Variants in FUT8 observed in about 807,000 individuals in gnomAD.
FUT8 encodes fucosyltransferase 8.
In FUT8, 29 loss-of-function variants were observed where a neutral mutation model predicts 71.3. That is an observed-to-expected ratio of 0.41 (90% CI 0.30 to 0.55). The LOEUF (loss-of-function observed/expected upper bound fraction) is 0.55. Among genes scored for constraint, FUT8 ranks in the 20% least tolerant of loss-of-function variants. The pLI is 0.34. For synonymous variants in FUT8, 254 were observed against 239.3 expected (o/e 1.06, Z -0.57); for missense variants, 544 against 702.1 (o/e 0.77, Z 2.55).
At chr14:65,621,356 T>C (rs564423347) in intron 5 of FUT8, among the ~76,000 whole-genome samples, 34 of 151,972 alleles carry the variant, frequency 2.2e-4, no homozygotes, top group Non-Finnish European at 4.7e-4. Context: ...TTCAAGCGAT[T>C]CTCCTGCCTC....
intron 1 of FUT8, among the ~76,000 whole-genome samples, chr14:65,446,523 C>T (rs1402106644): frequency 1.3e-5 from 2 of 152,142 alleles, no homozygotes; most frequent in Non-Finnish European, 2.9e-5. Context: ...TATTACTTAG[C>T]ATACTTCCAT....
At chr14:65,734,326 C>A (rs562662684) in intron 10 of FUT8, among the ~76,000 whole-genome samples, 1 of 152,128 alleles carries the variant, frequency 6.6e-6, no homozygotes, top group Admixed American at 6.5e-5. Flanking sequence ...GAGTATACTT[C>A]GGAGAGTAAA....
At chr14:65,366,126 A>G in the FUT8 span, among the ~76,000 whole-genome samples, 4 of 152,234 alleles carry the variant, frequency 2.6e-5, no homozygotes, top group African/African-American at 9.6e-5. Context: ...CTGTAACAGT[A>G]TGTGTCTAGC....
At chr14:65,588,727 G>C (rs1348820620) in intron 3 of FUT8, among the ~76,000 whole-genome samples, 1 of 152,110 alleles carries the variant, frequency 6.6e-6, no homozygotes, top group South Asian at 2.1e-4. Flanking sequence ...GAGAGAGAGA[G>C]AATGCAAGAG....
intron 1 of FUT8, among the ~76,000 whole-genome samples, chr14:65,447,542 A>G (rs1407401663): frequency 6.6e-6 from 1 of 151,800 alleles, no homozygotes; most frequent in African/African-American, 2.4e-5. Context: ...TCTTCTGAAA[A>G]TTTTTTTTCT....
At chr14:65,452,785 A>T (rs918482799) in intron 1 of FUT8, among the ~76,000 whole-genome samples, 4 of 152,220 alleles carry the variant, frequency 2.6e-5, no homozygotes, top group Non-Finnish European at 1.5e-5. Flanking sequence ...AGACAAAAAA[A>T]CTTCATAATT....
chr14:65,416,894 C>T (rs1032345014), intron 1 of FUT8, among the ~76,000 whole-genome samples: 2 of 151,478 alleles, frequency 1.3e-5, no homozygotes, highest in African/African-American at 2.4e-5. Flanking sequence ...AGCCATTCTC[C>T]CGCCTTAGCC....
chr14:65,692,780 A>G (rs1893742475), intron 7 of FUT8, among the ~76,000 whole-genome samples: 1 of 145,644 alleles, frequency 6.9e-6, no homozygotes, highest in African/African-American at 2.6e-5. Context: ...GGGTCTCCTC[A>G]CTTCTCAGAG....
At chr14:65,724,405 T>C (rs1395290659) in intron 9 of FUT8, 82 bp downstream of exon 9, 1 of 813,262 alleles carries the variant, frequency 1.2e-6, no homozygotes, top group African/African-American at 1.8e-5. Context: ...GACTTGTGAT[T>C]TTTGTATATT....
chr14:65,419,669 A>C (rs761117445), intron 1 of FUT8, among the ~76,000 whole-genome samples: 1 of 152,250 alleles, frequency 6.6e-6, no homozygotes, highest in Non-Finnish European at 1.5e-5. Flanking sequence ...TACAATTAGA[A>C]CTAAGCCAGG....
chr14:65,565,570 A>AC (rs1886150475), intron 3 of FUT8, among the ~76,000 whole-genome samples: 1 of 151,974 alleles, frequency 6.6e-6, no homozygotes, highest in South Asian at 2.1e-4. Context: ...ATTTAACTTT[A>AC]TAAGAAGCAA....
At chr14:65,453,426 A>G (rs1019066117) in intron 1 of FUT8, among the ~76,000 whole-genome samples, 1 of 152,164 alleles carries the variant, frequency 6.6e-6, no homozygotes, top group African/African-American at 2.4e-5. Flanking sequence ...TTTCCCCACT[A>G]CTGAGGCAAA....
the FUT8 span, among the ~76,000 whole-genome samples, chr14:65,397,206 C>T: frequency 1.6e-4 from 25 of 152,280 alleles, no homozygotes; most frequent in South Asian, 1.2e-3. The surrounding 1 kb of genome is among the most constrained non-coding windows in gnomAD (Gnocchi z 4.2). Context: ...GGAAGTGACT[C>T]ACATCACTTC....
At chr14:65,573,062 A>T (rs1015655435) in intron 3 of FUT8, among the ~76,000 whole-genome samples, 2 of 152,124 alleles carry the variant, frequency 1.3e-5, no homozygotes, top group African/African-American at 4.8e-5. Flanking sequence ...TTTCTTGTAA[A>T]AGGCTGTCTT....
At chr14:65,461,396 C>A (rs956120980) in intron 2 of FUT8, among the ~76,000 whole-genome samples, 5 of 152,136 alleles carry the variant, frequency 3.3e-5, no homozygotes. Context: ...CTAGCCGTTA[C>A]ACATTTTGGG....
chr14:65,706,247 A>G (rs540705417), intron 7 of FUT8, among the ~76,000 whole-genome samples: 5 of 152,174 alleles, frequency 3.3e-5, no homozygotes, highest in Non-Finnish European at 5.9e-5. Context: ...CTGGTAAGTG[A>G]TAGAGGATTT....
At chr14:65,629,722 C>A in intron 6 of FUT8, 116 bp downstream of exon 6, 1 of 675,588 alleles carries the variant, frequency 1.5e-6, no homozygotes, top group Non-Finnish European at 2.6e-6. Flanking sequence ...TCAGTACTCA[C>A]ACATTTTACA....
chr14:65,564,819 T>C (rs1016228528), intron 3 of FUT8, among the ~76,000 whole-genome samples: 10 of 152,072 alleles, frequency 6.6e-5, no homozygotes, highest in African/African-American at 2.4e-4. Flanking sequence ...TATAATGTTT[T>C]TGAGTTTCAT....
chr14:65,541,972 GGT>G (rs1380719973), intron 2 of FUT8, among the ~76,000 whole-genome samples: 2 of 152,100 alleles, frequency 1.3e-5, no homozygotes, highest in Non-Finnish European at 2.9e-5. Context: ...CATTGATTCT[GGT>G]TCTGCTACTT....
Sources: gnomAD v4.1 joint callset for allele counts (sites outside exome capture counted in the v4.1 genomes callset) on GRCh38, gnomAD v4.1.1 for gene constraint, Gnocchi (gnomAD v3.1) non-coding constraint, MANE v1.5 for transcripts, NCBI Gene and HGNC (gene_info 2026-07-23, HGNC 2026-07-21) for gene names.